Variants in WDR36 observed in about 807,000 individuals in gnomAD.
WDR36 encodes the protein WD repeat-containing protein 36.
A neutral mutation model predicts 112.7 loss-of-function variants in WDR36; 63 were observed. The ratio of observed to expected loss-of-function variants is 0.56; its 90% CI spans 0.46 to 0.69. WDR36 has a LOEUF of 0.69. Among genes scored for constraint, WDR36 ranks in the 30% least tolerant of loss-of-function variants. The probability of loss-of-function intolerance (pLI) is 0.00; values close to 1 mark genes in which losing one functional copy is unlikely to be tolerated. For missense variants in WDR36, 1,226 were observed against 1,070.3 expected (o/e 1.15, Z -2.03); for synonymous variants, 410 against 362.2 (o/e 1.13, Z -1.50).
At position 111,113,201 on chromosome 5, in the gene WDR36, A is replaced by AT. The variant is rs541508514; in HGVS notation, c.1796+55dup. On this transcript the variant is annotated intron_variant, in intron 16 of 22. Coordinates refer to ENST00000513710, the MANE Select transcript of WDR36 (RefSeq NM_139281.3). ...CTAACCTCTATAAGATTTCTAAGTT[A>AT]TTTTTTTCACATGTGACTTTTACCG... is the stretch of plus-strand genomic sequence containing the variant. The AT allele has an allele frequency of 3.1e-5, 38 of 1,216,132 alleles. No individual in the cohort carries two copies. In the African/African-American group the frequency reaches 3.8e-4, roughly 12 times the overall value. The allele number at this position is 1,216,132 out of a possible 1,614,324, so 75.3% of individuals were successfully genotyped here. A position where few individuals can be genotyped will look rare whatever the true frequency, so the allele number is the denominator to read the frequency against.
intron 9 of WDR36, 138 bp from the exon 10 acceptor site, chr5:111,105,157 G>T: frequency 1.2e-6 from 1 of 845,394 alleles, no homozygotes; most frequent in Admixed American, 2.3e-5. Context: ...TAATGAAGTA[G>T]TTGCAATCTG....
At chr5:111,114,131 GA>G (rs1451284113) in intron 16 of WDR36, among the ~76,000 whole-genome samples, 1 of 152,164 alleles carries the variant, frequency 6.6e-6, no homozygotes, top group African/African-American at 2.4e-5. Flanking sequence ...AAAGTGGTAT[GA>G]ACAGAGGAGA....
chr5:111,099,912 A>C (rs1753085978), intron 4 of WDR36, among the ~76,000 whole-genome samples: 2 of 152,094 alleles, frequency 1.3e-5, no homozygotes, highest in African/African-American at 4.8e-5. Flanking sequence ...ATAGAGTGGA[A>C]CATTGTTTTA....
At chr5:111,098,916 C>A in intron 4 of WDR36, 77 bp downstream of exon 4, 1 of 1,050,010 alleles carries the variant, frequency 9.5e-7, no homozygotes, top group Non-Finnish European at 1.5e-6. Context: ...ATGTAAACAT[C>A]TATGCCAGAG....
intron 4 of WDR36, among the ~76,000 whole-genome samples, chr5:111,099,073 T>G (rs1343647141): frequency 6.6e-6 from 1 of 152,216 alleles, no homozygotes; most frequent in Non-Finnish European, 1.5e-5. Context: ...TAATGTATTT[T>G]CCATTGCAGT....
At position 111,121,132 on chromosome 5, in the gene WDR36, T is replaced by C. The variant is rs1185667193; in HGVS notation, c.2139T>C (p.Asp713=). ...GATGGAAAAACCTTCTTAACCTTGA[T>C]GTTATTAAGGTAATAATTAACATTC... ...ESRWKNLLNL[D]VIKKKNKPKE... Residue 713 remains aspartate, a synonymous_variant, in exon 19 of 23, where the codon GAT becomes GAC. Transcript: ENST00000513710. The C allele has an allele frequency of 6.2e-7, 1 of 1,613,540 alleles. No homozygotes were observed. Among genetic ancestry groups the C allele is most frequent in the Non-Finnish European group, 8.5e-7 (1 of 1,179,604 alleles).
At chr5:111,106,530 CT>C (rs1561704548) in intron 11 of WDR36, among the ~76,000 whole-genome samples, 1 of 151,332 alleles carries the variant, frequency 6.6e-6, no homozygotes, top group Non-Finnish European at 1.5e-5. Context: ...GTCATTTGAC[CT>C]GTGCCACTTT....
intron 2 of WDR36, among the ~76,000 whole-genome samples, chr5:111,095,932 G>T (rs1483071231): frequency 6.6e-6 from 1 of 152,116 alleles, no homozygotes; most frequent in East Asian, 1.9e-4. Flanking sequence ...TATGGTTCTT[G>T]TGAGAGAAAC....
At chr5:111,110,715 T>A (rs1220128092) in intron 13 of WDR36, 73 bp from the exon 14 acceptor site, 3 of 1,481,142 alleles carry the variant, frequency 2.0e-6, no homozygotes, top group Non-Finnish European at 2.8e-6. Context: ...AATGAAGGAA[T>A]CACTGTGTGT....
chr5:111,105,417 A>G (rs1031533270), intron 10 of WDR36, 57 bp downstream of exon 10: 106 of 1,490,624 alleles, frequency 7.1e-5, no homozygotes, highest in African/African-American at 1.1e-4. Context: ...TCAACATTCT[A>G]TGAAACAACT....
At chr5:111,104,093 G>A (rs1419971001) in intron 7 of WDR36, 84 bp from the exon 8 acceptor site, 1 of 1,438,756 alleles carries the variant, frequency 7.0e-7, no homozygotes, top group Admixed American at 2.0e-5. Context: ...TAACTTTATG[G>A]ATTAAAAGGG....
In WDR36 at chr5:111,126,754, T is replaced by G; in HGVS notation, c.2559T>G (p.Pro853=). The part of the protein sequence containing the change: ...LFLKLHLKML[P]SEPVLLEEIT... ...TGCAGTTACACCTTAAAATGCTTCC[T>G]TCAGAGCCAGTACTCCTAGAAGAAA... The change falls in exon 23 of 23, where the codon CCT becomes CCG. Residue 853 remains proline (P), a synonymous_variant. Coordinates refer to ENST00000513710, the MANE Select transcript of WDR36 (RefSeq NM_139281.3). The G allele has an allele frequency of 6.2e-7, 1 of 1,613,810 alleles. No homozygotes were observed. Among genetic ancestry groups the G allele is most frequent in the Non-Finnish European group, 8.5e-7 (1 of 1,179,818 alleles).
intron 15 of WDR36, among the ~76,000 whole-genome samples, chr5:111,112,768 G>C (rs1316655997): frequency 4.0e-5 from 6 of 151,636 alleles, no homozygotes; most frequent in Admixed American, 2.0e-4. Flanking sequence ...TAAATAAATA[G>C]AAGATTGTGA....
rs1753215318 is a variant in WDR36, at chr5:111,105,985, C to G, written c.1094-72C>G. The G allele has an allele frequency of 2.5e-6, 3 of 1,212,260 alleles. No individual in the cohort carries two copies. In the South Asian group the frequency reaches 3.7e-5, roughly 15 times the overall value. 75.1% of individuals were successfully genotyped at this position (1,212,260 alleles called of 1,614,324 possible). A position where few individuals can be genotyped will look rare whatever the true frequency, so the allele number is the denominator to read the frequency against. Reference sequence around the variant, plus strand: ...TACTTTATAGTTACAAGACTGATAGCTTTTCTTTTATATACACTTTTTATT... The same window carrying G: ...TACTTTATAGTTACAAGACTGATAGGTTTTCTTTTATATACACTTTTTATT... On this transcript the variant is annotated intron_variant, in intron 10 of 22. Transcript: ENST00000513710.
At chr5:111,120,654 T>C (rs1580403568) in intron 18 of WDR36, 61 bp downstream of exon 18, 1 of 1,409,478 alleles carries the variant, frequency 7.1e-7, no homozygotes, top group Admixed American at 1.7e-5. Context: ...ATGTAGGAGA[T>C]ATTGCTACCA....
intron 18 of WDR36, 53 bp downstream of exon 18, chr5:111,120,646 G>A (rs984157471): frequency 6.9e-7 from 1 of 1,454,058 alleles, no homozygotes; most frequent in Non-Finnish European, 9.7e-7. Context: ...TAAACCTAAT[G>A]TAGGAGATAT....
intron 8 of WDR36, 142 bp downstream of exon 8, chr5:111,104,494 C>T: frequency 2.9e-6 from 4 of 1,403,114 alleles, no homozygotes; most frequent in South Asian, 1.2e-5. Context: ...AAACAAAAAG[C>T]ACAGCAGGTG....
chr5:111,093,117 C>T (rs1322166056), intron 1 of WDR36, among the ~76,000 whole-genome samples: 6 of 152,228 alleles, frequency 3.9e-5, no homozygotes, highest in Non-Finnish European at 8.8e-5. Flanking sequence ...CGCAAAGTGT[C>T]TGGCACTGTC....
In WDR36 at chr5:111,129,602, A is replaced by G. The variant is rs1349351595; in HGVS notation, c.*2719A>G. The stretch of plus-strand genomic sequence containing the variant: ...ATGGATTTGTTAGGAGTTCTCTTGT[A>G]TTTTCTGTATTTTATGTCTGTTGCC... On this transcript the variant is annotated 3_prime_UTR_variant, in exon 23 of 23. Transcript: ENST00000513710. 4.9e-6 allele frequency: 1 copy of G among 203,882 alleles called. No homozygotes were observed. Among genetic ancestry groups the G allele is most frequent in the Admixed American group, 6.0e-5 (1 of 16,704 alleles). The allele number at this position is 203,882 out of a possible 1,614,324, so 12.6% of individuals were successfully genotyped here. A position where few individuals can be genotyped will look rare whatever the true frequency, so the allele number is the denominator to read the frequency against.
Sources: gnomAD v4.1 joint callset for allele counts (sites outside exome capture counted in the v4.1 genomes callset) on GRCh38, gnomAD v4.1.1 for gene constraint, MANE v1.5 for transcripts, NCBI Gene and HGNC (gene_info 2026-07-23, HGNC 2026-07-21) for gene names.